SAMD3: variants seen among roughly 807,000 people sequenced by gnomAD.
SAMD3 encodes the protein sterile alpha motif domain-containing protein 3.
Under a neutral mutation model 58.5 loss-of-function variants are expected in SAMD3, and 63 were observed. The observed-to-expected ratio is 1.08, with a 90% CI of 0.88 to 1.33. SAMD3 has a LOEUF of 1.33. Ranked by LOEUF, SAMD3 falls within the 40% of genes most tolerant of loss-of-function variation. The pLI, the probability that SAMD3 is intolerant of heterozygous loss-of-function variation, is 0.00. For synonymous variants in SAMD3, 220 were observed against 210.3 expected (o/e 1.05, Z -0.40); for missense variants, 604 against 608.4 (o/e 0.99, Z 0.08).
At chr6:130,323,153 T>A (rs1278494173) in intron 1 of SAMD3, among the ~76,000 whole-genome samples, 1 of 152,154 alleles carries the variant, frequency 6.6e-6, no homozygotes, top group Non-Finnish European at 1.5e-5. Flanking sequence ...TTCTGATAGG[T>A]GAATGTTAGA....
intron 1 of SAMD3, among the ~76,000 whole-genome samples, chr6:130,330,505 G>A (rs59729184): frequency 0.013 from 2,006 of 152,248 alleles, 38 homozygotes; most frequent in African/African-American, 0.046. Flanking sequence ...AAATATAACT[G>A]GATATGGCTG....
intron 5 of SAMD3, among the ~76,000 whole-genome samples, chr6:130,206,840 G>A (rs564914318): frequency 2.6e-5 from 4 of 152,256 alleles, no homozygotes; most frequent in South Asian, 4.1e-4. Context: ...TAAGTGTGGG[G>A]CTGGTCCTTT....
chr6:130,189,481 C>T (rs376850112), intron 5 of SAMD3, among the ~76,000 whole-genome samples: 11 of 152,172 alleles, frequency 7.2e-5, no homozygotes, highest in East Asian at 3.9e-4. Flanking sequence ...GCAGCCTGTG[C>T]GGACTAACAC....
At chr6:130,209,145 T>C in intron 5 of SAMD3, among the ~76,000 whole-genome samples, 1 of 152,210 alleles carries the variant, frequency 6.6e-6, no homozygotes, top group East Asian at 1.9e-4. Context: ...AAACAAAAAC[T>C]CCACCAAGGG....
At chr6:130,232,763 C>T (rs1796582396) in intron 2 of SAMD3, among the ~76,000 whole-genome samples, 1 of 152,166 alleles carries the variant, frequency 6.6e-6, no homozygotes, top group African/African-American at 2.4e-5. Flanking sequence ...AATGCTAGCA[C>T]TTAGCATTTA....
At chr6:130,246,619 C>A (rs992747093) in intron 2 of SAMD3, among the ~76,000 whole-genome samples, 10 of 151,822 alleles carry the variant, frequency 6.6e-5, no homozygotes, top group African/African-American at 2.4e-4. Context: ...CACAGTTTGG[C>A]CGGGCTCATG....
chr6:130,215,782 A>C (rs1219679410), intron 2 of SAMD3: 2 of 1,530,154 alleles, frequency 1.3e-6, no homozygotes, highest in Non-Finnish European at 1.8e-6. Context: ...TTAACCCCTT[A>C]GTAGACTGGT....
chr6:130,194,300 T>C (rs1793870091), intron 5 of SAMD3, among the ~76,000 whole-genome samples: 1 of 152,228 alleles, frequency 6.6e-6, no homozygotes, highest in African/African-American at 2.4e-5. Flanking sequence ...GCTTGTTCGG[T>C]AGCAACCCTG....
chr6:130,144,634 T>G lies in SAMD3; in HGVS notation c.1449A>C (p.Arg483Ser), dbSNP rs961087676. ...FHVFRIECPR[R>S]LSQTFNFLET... ...CTAGGAAGTTGAAAGTTTGGGACAG[T>G]CTTCTTGGACACTCAATCCTAAATA... Residue 483 changes from arginine to serine, a missense_variant, in exon 12 of 12, where the codon AGA (arginine) becomes AGC (serine). Arg to Ser is a moderately radical substitution (Grantham distance 110, BLOSUM62 -1). Coordinates refer to ENST00000439090, the MANE Select transcript of SAMD3 (RefSeq NM_001017373.4). The G allele has an allele frequency of 9.3e-6, 15 of 1,614,002 alleles. No individual in the cohort carries two copies. The highest frequency in any genetic ancestry group is 1.3e-5 in the Non-Finnish European group (15 of 1,180,018).
At chr6:130,194,856 A>C (rs1399548122) in intron 5 of SAMD3, among the ~76,000 whole-genome samples, 1 of 152,146 alleles carries the variant, frequency 6.6e-6, no homozygotes, top group Admixed American at 6.5e-5. Flanking sequence ...CAGGACCATC[A>C]CAGATGCTCT....
At chr6:130,210,532 G>A (rs369177663) in intron 4 of SAMD3, among the ~76,000 whole-genome samples, 37 of 151,630 alleles carry the variant, frequency 2.4e-4, no homozygotes, top group African/African-American at 8.0e-4. Flanking sequence ...CTGGGAGGCA[G>A]AGGTTGCAGT....
chr6:130,153,451 T>G (rs998679894), intron 9 of SAMD3, among the ~76,000 whole-genome samples: 3 of 151,926 alleles, frequency 2.0e-5, no homozygotes, highest in Non-Finnish European at 4.4e-5. Flanking sequence ...AAGAAAAATA[T>G]GTAGATGTTT....
At chr6:130,329,261 CAA>C (rs10708421) in intron 1 of SAMD3, among the ~76,000 whole-genome samples, 37,113 of 118,062 alleles carry the variant, frequency 0.31, 6,845 homozygotes, top group African/African-American at 0.56. Context: ...CAATGAATCT[CAA>C]AAAAAAAAAA....
chr6:130,265,360 A>C (rs1221511959), intron 2 of SAMD3, among the ~76,000 whole-genome samples: 2 of 152,144 alleles, frequency 1.3e-5, no homozygotes, highest in Non-Finnish European at 2.9e-5. Context: ...AGAAGATAAC[A>C]AGCCCTGCTT....
chr6:130,243,389 T>A (rs1773431444), intron 2 of SAMD3, among the ~76,000 whole-genome samples: 1 of 152,066 alleles, frequency 6.6e-6, no homozygotes, highest in Non-Finnish European at 1.5e-5. Flanking sequence ...TACCTCCCCA[T>A]GGCTCACCAC....
chr6:130,161,854 G>A (rs562727330), intron 8 of SAMD3: 1 of 160,704 alleles, frequency 6.2e-6, no homozygotes, highest in Non-Finnish European at 1.4e-5. Flanking sequence ...GGCAACTAGT[G>A]AGTAAGAAAT....
At chr6:130,281,863 A>C (rs1774991850) in intron 2 of SAMD3, among the ~76,000 whole-genome samples, 1 of 150,408 alleles carries the variant, frequency 6.6e-6, no homozygotes, top group African/African-American at 2.4e-5. Context: ...CAGTGAGCCG[A>C]GATCGTGTCA....
At chr6:130,243,187 C>G (rs1773424949) in intron 2 of SAMD3, among the ~76,000 whole-genome samples, 1 of 152,184 alleles carries the variant, frequency 6.6e-6, no homozygotes, top group African/African-American at 2.4e-5. Context: ...ACTGGAATCT[C>G]TAACTACTTT....
intron 5 of SAMD3, among the ~76,000 whole-genome samples, chr6:130,195,463 G>C (rs181525022): frequency 1.3e-5 from 2 of 152,228 alleles, no homozygotes; most frequent in East Asian, 3.9e-4. Flanking sequence ...AGCCTTACAA[G>C]TTAGTTCAGG....
Sources: gnomAD v4.1 joint callset for allele counts (sites outside exome capture counted in the v4.1 genomes callset) on GRCh38, gnomAD v4.1.1 for gene constraint, MANE v1.5 for transcripts, NCBI Gene and HGNC (gene_info 2026-07-23, HGNC 2026-07-21) for gene names.